Variants in OR6K3 observed in about 807,000 individuals in gnomAD.
The protein encoded by OR6K3 is olfactory receptor 6K3.
For synonymous variants in OR6K3, 169 were observed against 137.7 expected (o/e 1.23, Z -1.59); for missense variants, 396 against 382.5 (o/e 1.04, Z -0.29).
rs1558014670 is a variant in OR6K3, at chr1:158,717,700, C to T, written c.416G>A (p.Arg139Gln). 3 of 1,613,624 alleles carry T rather than the reference C, an allele frequency of 1.9e-6. No individual in the cohort carries two copies. Among genetic ancestry groups the T allele is most frequent in the South Asian group, 1.1e-5 (1 of 91,062 alleles). Residue 139 changes from arginine to glutamine, a missense_variant, in exon 2 of 2, where the codon CGG (arginine) becomes CAG (glutamine). By Grantham distance (43) the Arg-to-Gln change is conservative. Transcript: ENST00000368145. ...ACCTGCAGAGAGTTGAGCACAGAGC[C>T]GGGGGGTCATGATCATTTGATAGCG... ...PLRYQMIMTP[R>Q]LCAQLSAGSC...
intron 1 of OR6K3, among the ~76,000 whole-genome samples, chr1:158,719,593 T>G (rs1053828345): frequency 1.8e-4 from 27 of 151,876 alleles, no homozygotes; most frequent in Non-Finnish European, 3.7e-4. Flanking sequence ...CTGCCCCCTC[T>G]CCTCACACAA....
upstream of OR6K3, among the ~76,000 whole-genome samples, chr1:158,722,170 A>G (rs1339159351): frequency 6.6e-6 from 1 of 152,012 alleles, no homozygotes; most frequent in East Asian, 1.9e-4. Context: ...AACTAAAATC[A>G]TTGTTTTAAA....
At chr1:158,718,379 G>C (rs112028591) in intron 1 of OR6K3, among the ~76,000 whole-genome samples, 1 of 150,170 alleles carries the variant, frequency 6.7e-6, no homozygotes, top group Non-Finnish European at 1.5e-5. Flanking sequence ...AAACCTTCAA[G>C]GTAGTTCTTC....
At chr1:158,723,673 G>A (rs1186364174), upstream of OR6K3, among the ~76,000 whole-genome samples, 1 of 151,978 alleles carries the variant, frequency 6.6e-6, no homozygotes. Context: ...ATGCAGACAA[G>A]TTAATTATCA....
chr1:158,717,596 T>C lies in OR6K3; in HGVS notation c.520A>G (p.Ile174Val), dbSNP rs1435569466. 1 of 1,613,666 alleles carries C rather than the reference T, an allele frequency of 6.2e-7. No individual in the cohort carries two copies. Among genetic ancestry groups the C allele is most frequent in the South Asian group, 1.1e-5 (1 of 91,076 alleles). ...ACCAAGTCACAGAAGATCTGATGGA[T>C]TTGGTTGGGCCCACAGAAAGGCAGT... ...STLPFCGPNQ[I>V]HQIFCDLVPV... The change falls in exon 2 of 2, where the codon ATC becomes GTC. Residue 174 changes from isoleucine (I) to valine (V), a missense_variant. Transcript: ENST00000368145.
At position 158,717,784 on chromosome 1, in the gene OR6K3, T is replaced by C; in HGVS notation, c.332A>G (p.Glu111Gly). 6.2e-7 allele frequency: 1 copy of C among 1,613,842 alleles called. No individual in the cohort carries two copies. Among genetic ancestry groups the C allele is most frequent in the Non-Finnish European group, 8.5e-7 (1 of 1,179,832 alleles). The change falls in exon 2 of 2, where the codon GAG becomes GGG. Residue 111 changes from glutamate (E) to glycine (G), a missense_variant. Coordinates refer to ENST00000368145, the MANE Select transcript of OR6K3 (RefSeq NM_001005327.3). ...MYFFHSLENS[E>G]GILLTTMAID... ...GGCCATGGTGGTCAGCAAGATCCCCTCTGAGTTTTCAAGTGAGTGGAAGAA... is the reference window on the plus strand; with the variant it reads ...GGCCATGGTGGTCAGCAAGATCCCCCCTGAGTTTTCAAGTGAGTGGAAGAA...
At chr1:158,723,449 A>G (rs907572529), upstream of OR6K3, among the ~76,000 whole-genome samples, 9 of 152,022 alleles carry the variant, frequency 5.9e-5, no homozygotes, top group African/African-American at 1.9e-4. Context: ...TTTTTAATAT[A>G]TCACTCTTTA....
Position 158,717,819 on chromosome 1 carries a change from C to T in OR6K3, c.297G>A (p.Leu99=), listed in dbSNP as rs192169475. The T allele has an allele frequency of 1.6e-5, 26 of 1,613,786 alleles. No homozygotes were observed. In the Admixed American group the frequency reaches 2.0e-4, roughly 12 times the overall value. The change falls in exon 2 of 2, where the codon TTG becomes TTA. Residue 99 remains leucine, a synonymous_variant. Transcript: ENST00000368145. Reference sequence around the variant, plus strand: ...CAAGTGAGTGGAAGAAATACATCTGCAAGATGCAGCCAGTCATTGAGATGG... The same window carrying T: ...CAAGTGAGTGGAAGAAATACATCTGTAAGATGCAGCCAGTCATTGAGATGG... The part of the protein sequence containing the change: ...KKAISMTGCI[L]QMYFFHSLEN...
Position 158,717,733 on chromosome 1 carries a change from T to C in OR6K3, c.383A>G (p.Asn128Ser). Reference sequence around the variant, plus strand: ...CATGATCATTTGATAGCGAAGAGGGTTGCAGATGGCAACGTATCTGTCAAT... The same window carrying C: ...CATGATCATTTGATAGCGAAGAGGGCTGCAGATGGCAACGTATCTGTCAAT... ...MAIDRYVAIC[N>S]PLRYQMIMTP... is the part of the protein sequence containing the mutation. Residue 128 changes from asparagine to serine, a missense_variant, in exon 2 of 2, where the codon AAC (asparagine) becomes AGC (serine). Transcript: ENST00000368145. The C allele has an allele frequency of 6.2e-7, 1 of 1,613,482 alleles. No individual in the cohort carries two copies. The highest frequency in any genetic ancestry group is 8.5e-7 in the Non-Finnish European group (1 of 1,179,748).
rs529098297 is a variant in OR6K3, at chr1:158,718,068, T to A, written c.48A>T (p.Gly16=). The A allele has an allele frequency of 6.2e-7, 1 of 1,613,016 alleles. No homozygotes were observed. Among genetic ancestry groups the A allele is most frequent in the African/African-American group, 1.3e-5 (1 of 74,938 alleles). Residue 16 remains glycine, a synonymous_variant, in exon 2 of 2, where the codon GGA becomes GGT. Transcript: ENST00000368145. The stretch of plus-strand genomic sequence containing the variant: ...GACTACCATCCTGAAGCTGAGGGAA[T>A]CCAGTGAAGATAAATTCAGTCACTG... ...QSTVTEFIFT[G]FPQLQDGSLL...
rs756097470 is a variant in OR6K3, at chr1:158,717,706, G to T, written c.410C>A (p.Thr137Asn). The change falls in exon 2 of 2, where the codon ACC (threonine) becomes AAC (asparagine). Residue 137 changes from threonine (T) to asparagine (N), a missense_variant. Thr to Asn is a moderately conservative substitution (Grantham distance 65). Coordinates refer to ENST00000368145, the MANE Select transcript of OR6K3 (RefSeq NM_001005327.3). ...CNPLRYQMIM[T>N]PRLCAQLSAG... The stretch of plus-strand genomic sequence containing the variant: ...AGAGAGTTGAGCACAGAGCCGGGGG[G>T]TCATGATCATTTGATAGCGAAGAGG... 2.5e-6 allele frequency: 4 copies of T among 1,613,684 alleles called. No individual in the cohort carries two copies. Among genetic ancestry groups the T allele is most frequent in the African/African-American group, 1.3e-5 (1 of 74,882 alleles).
chr1:158,720,070 TG>T (rs1255724245), intron 1 of OR6K3, among the ~76,000 whole-genome samples: 1 of 152,056 alleles, frequency 6.6e-6, no homozygotes, highest in African/African-American at 2.4e-5. Flanking sequence ...TACAGTTGAC[TG>T]CCTCTACCAA....
chr1:158,717,636 A>C lies in OR6K3; in HGVS notation c.480T>G (p.Ile160Met). The change falls in exon 2 of 2, where the codon ATT becomes ATG. Residue 160 changes from isoleucine (I) to methionine (M), a missense_variant. Ile to Met is a conservative substitution (Grantham distance 10). Transcript: ENST00000368145. ...AGAAAGGCAGTGTGGAAATCATCAC[A>C]ATCTCGGGAAGCAGGATAAGGAAAC... ...LFGFLILLPE[I>M]VMISTLPFCG... is the part of the protein sequence containing the mutation. 1 of 1,613,800 alleles carries C rather than the reference A, an allele frequency of 6.2e-7. No individual in the cohort carries two copies. The highest frequency in any genetic ancestry group is 8.5e-7 in the Non-Finnish European group (1 of 1,179,838).
Position 158,718,043 on chromosome 1 carries a change from G to C in OR6K3, c.73C>G (p.Leu25Val), listed in dbSNP as rs757387931. Reference sequence around the variant, plus strand: ...AAAAGTAAAGGAAAGAAGTACAGGAGACTACCATCCTGAAGCTGAGGGAAT... The same window carrying C: ...AAAAGTAAAGGAAAGAAGTACAGGACACTACCATCCTGAAGCTGAGGGAAT... The part of the protein sequence containing the change: ...TGFPQLQDGS[L>V]LYFFPLLFIY... The change falls in exon 2 of 2, where the codon CTC becomes GTC. Residue 25 changes from leucine (L) to valine (V), a missense_variant. Transcript: ENST00000368145. 2.5e-6 allele frequency: 4 copies of C among 1,612,784 alleles called. No homozygotes were observed. The highest frequency in any genetic ancestry group is 3.4e-6 in the Non-Finnish European group (4 of 1,179,272).
chr1:158,725,116 C>T (rs1384079823), upstream of OR6K3: 1 of 152,436 alleles, frequency 6.6e-6, no homozygotes, highest in Non-Finnish European at 1.5e-5. Context: ...AGCTCATTTC[C>T]TAGAAGAAAT....
intron 1 of OR6K3, among the ~76,000 whole-genome samples, chr1:158,718,383 G>T (rs1039025693): frequency 1.3e-5 from 2 of 150,536 alleles, no homozygotes; most frequent in Non-Finnish European, 3.0e-5. Context: ...CTTCAAGGTA[G>T]TTCTTCTTAT....
chr1:158,719,117 C>G (rs1332961599), intron 1 of OR6K3, among the ~76,000 whole-genome samples: 1 of 152,102 alleles, frequency 6.6e-6, no homozygotes, highest in South Asian at 2.1e-4. Context: ...TCTGTTTCCA[C>G]GATTCCATTC....
chr1:158,722,009 G>C (rs577859534), upstream of OR6K3, among the ~76,000 whole-genome samples: 26 of 151,866 alleles, frequency 1.7e-4, no homozygotes, highest in South Asian at 5.0e-3. Flanking sequence ...CTTAGAGTTA[G>C]TCTATGTAAT....
chr1:158,717,081 G>A lies in OR6K3; in HGVS notation c.*87C>T. 1.1e-6 allele frequency: 1 copy of A among 911,528 alleles called. No individual in the cohort carries two copies. The highest frequency in any genetic ancestry group is 1.7e-6 in the Non-Finnish European group (1 of 576,396). 56.5% of individuals were successfully genotyped at this position (911,528 alleles called of 1,614,324 possible). ...TGCAGTGAGCCAAGATCATGCCATT[G>A]CACTCCAGCCCAGGCAACAAGAGTG... On this transcript the variant is annotated 3_prime_UTR_variant, in exon 2 of 2. Transcript: ENST00000368145.
Sources: gnomAD v4.1 joint callset for allele counts (sites outside exome capture counted in the v4.1 genomes callset) on GRCh38, gnomAD v4.1.1 for gene constraint, MANE v1.5 for transcripts, NCBI Gene and HGNC (gene_info 2026-07-23, HGNC 2026-07-21) for gene names.